Variants in ZSWIM9 observed in about 807,000 individuals in gnomAD.
ZSWIM9 encodes the protein uncharacterized protein ZSWIM9.
ZSWIM9 carries 11 observed loss-of-function variants against 25.0 expected under a neutral mutation model. The ratio of observed to expected loss-of-function variants is 0.44; its 90% CI spans 0.28 to 0.73. The LOEUF (loss-of-function observed/expected upper bound fraction) is 0.73. Among genes scored for constraint, ZSWIM9 ranks in the 30% least tolerant of loss-of-function variants. The pLI is 0.16. For synonymous variants in ZSWIM9, 562 were observed against 582.1 expected, an observed-to-expected ratio of 0.97 and a Z score of 0.50; for missense variants, 1,070 against 1,296.5, an observed-to-expected ratio of 0.83 and a Z score of 2.68.
chr19:48,182,393 G>C lies in ZSWIM9; in HGVS notation c.276-62G>C, dbSNP rs2036957064. 1 of 1,284,492 alleles carries C rather than the reference G, an allele frequency of 7.8e-7. No individual in the cohort carries two copies. Among genetic ancestry groups the C allele is most frequent in the Admixed American group, 2.7e-5 (1 of 36,788 alleles). The allele number at this position is 1,284,492 out of a possible 1,614,324, so 79.6% of individuals were successfully genotyped here. A position where few individuals can be genotyped will look rare whatever the true frequency, so the allele number is the denominator to read the frequency against. On this transcript the variant is annotated intron_variant, in intron 2 of 3. Transcript: ENST00000614654. This position sits in a 1 kb window ranked among gnomAD's most constrained non-coding sequence, Gnocchi z 4.6. ...TAGTTTAAAAAAAAAAAAAAGGTGA[G>C]TGGAAAGGAAGAAGAGGGCAGCAGA...
In ZSWIM9 at chr19:48,171,896, C is replaced by T. The variant is rs1266327274; in HGVS notation, c.94C>T (p.Arg32Cys). ...RAFFSWAEFS[R>C]FFDAWCQQRL... The stretch of plus-strand genomic sequence containing the variant: ...CTTCTTCTCGTGGGCCGAGTTCAGC[C>T]GCTTCTTCGACGCGTGGTGCCAGCA... Residue 32 changes from arginine (R) to cysteine (C), a missense_variant, in exon 2 of 4, where the codon CGC becomes TGC. This residue lies in a region of ZSWIM9 where 265 missense variants were observed against 339.0 expected (regional missense o/e 0.78). Transcript: ENST00000614654. The T allele has an allele frequency of 3.9e-6, 6 of 1,535,668 alleles. No individual in the cohort carries two copies. The highest frequency in any genetic ancestry group is 2.7e-5 in the African/African-American group (2 of 73,048).
At position 48,195,179 on chromosome 19, in the gene ZSWIM9, C is replaced by T; in HGVS notation, c.1115C>T (p.Ala372Val). ...GAGCTCCACGCCCACGGCCCAGCCG[C>T]CTTCGTGGACTACTTCGAGCGCAAC... is the stretch of plus-strand genomic sequence containing the variant. ...LAELHAHGPAAFVDYFERNWE... is the reference protein window; with the variant it reads ...LAELHAHGPAVFVDYFERNWE... Residue 372 changes from alanine (A) to valine (V), a missense_variant, in exon 4 of 4, where the codon GCC (alanine) becomes GTC (valine). Ala to Val is a moderately conservative substitution (Grantham distance 64). Coordinates refer to ENST00000614654, the MANE Select transcript of ZSWIM9 (RefSeq NM_199341.4). This position sits in a 1 kb window ranked among gnomAD's most constrained non-coding sequence, Gnocchi z 5.8. 6.6e-7 allele frequency: 1 copy of T among 1,523,140 alleles called. No homozygotes were observed. Among genetic ancestry groups the T allele is most frequent in the Non-Finnish European group, 8.8e-7 (1 of 1,139,772 alleles). The allele number at this position is 1,523,140 out of a possible 1,614,324, so 94.4% of individuals were successfully genotyped here. A position where few individuals can be genotyped will look rare whatever the true frequency, so the allele number is the denominator to read the frequency against.
intron 2 of ZSWIM9, among the ~76,000 whole-genome samples, chr19:48,178,810 G>A (rs448222): frequency 0.26 from 39,467 of 151,982 alleles, 7,556 homozygotes; most frequent in African/African-American, 0.54. Flanking sequence ...TCTTGACCTC[G>A]TGATCTGGCC....
At position 48,193,703 on chromosome 19, in the gene ZSWIM9, C is replaced by T. The variant is rs141788716; in HGVS notation, c.589-950C>T. On this transcript the variant is annotated intron_variant, in intron 3 of 3. Coordinates refer to ENST00000614654, the MANE Select transcript of ZSWIM9 (RefSeq NM_199341.4). The stretch of plus-strand genomic sequence containing the variant: ...GCGGGACGTGATGTTTGAACAGAGA[C>T]GATAATTATAATGGCCACTTTCAGA... Among the ~76,000 whole-genome samples the T allele has an allele frequency of 2.9e-4, 44 of 152,260 alleles. 1 individual carries two copies. The highest frequency in any genetic ancestry group is 6.8e-3 in the Middle Eastern group (2 of 294).
intron 3 of ZSWIM9, among the ~76,000 whole-genome samples, chr19:48,188,253 C>T (rs2037054461): frequency 6.6e-6 from 1 of 151,102 alleles, no homozygotes; most frequent in African/African-American, 2.4e-5. Flanking sequence ...GATGGAGTCT[C>T]GCTCTGTCTC....
intron 3 of ZSWIM9, among the ~76,000 whole-genome samples, chr19:48,185,217 G>A (rs1387896213): frequency 4.7e-5 from 7 of 148,082 alleles, no homozygotes; most frequent in Non-Finnish European, 7.4e-5. Flanking sequence ...TTGGCTCACC[G>A]CAACCTCCGC....
intron 1 of ZSWIM9, chr19:48,171,159 C>T (rs2036797229): frequency 1.1e-6 from 1 of 881,862 alleles, no homozygotes; most frequent in Non-Finnish European, 1.4e-6. Flanking sequence ...CCAGCTACAG[C>T]TGCATGTGGC....
At position 48,182,803 on chromosome 19, in the gene ZSWIM9, C is replaced by T. The variant is rs541265293; in HGVS notation, c.588+36C>T. The T allele has an allele frequency of 7.5e-5, 109 of 1,461,556 alleles. No individual in the cohort carries two copies. The highest frequency in any genetic ancestry group is 9.1e-5 in the Non-Finnish European group (99 of 1,092,874). The allele number at this position is 1,461,556 out of a possible 1,614,324, so 90.5% of individuals were successfully genotyped here. A position where few individuals can be genotyped will look rare whatever the true frequency, so the allele number is the denominator to read the frequency against. On this transcript the variant is annotated intron_variant, in intron 3 of 3. Coordinates refer to ENST00000614654, the MANE Select transcript of ZSWIM9 (RefSeq NM_199341.4). The surrounding 1 kb of genome is among the most constrained non-coding windows in gnomAD (Gnocchi z 4.6). The stretch of plus-strand genomic sequence containing the variant: ...GAGAGAGGCAGGCCGGGGGAGGGGG[C>T]GGGGGAAAGCCGCGCTGAAGACTCG...
In ZSWIM9 at chr19:48,197,239, G is replaced by A; in HGVS notation, c.*412G>A. 1.4e-6 allele frequency: 1 copy of A among 702,434 alleles called. No homozygotes were observed. Among genetic ancestry groups the A allele is most frequent in the Non-Finnish European group, 2.6e-6 (1 of 384,826 alleles). The allele number at this position is 702,434 out of a possible 1,614,324, so 43.5% of individuals were successfully genotyped here. A position where few individuals can be genotyped will look rare whatever the true frequency, so the allele number is the denominator to read the frequency against. On this transcript the variant is annotated 3_prime_UTR_variant, in exon 4 of 4. Transcript: ENST00000614654. ...GTGCAGCGGGGAGAGGGGAAAGGGA[G>A]AAAGTACAGAAGACAGATGAAGGAG...
chr19:48,171,723 G>A (rs1218517834), intron 1 of ZSWIM9, 71 bp from the exon 2 acceptor site: 1 of 1,411,956 alleles, frequency 7.1e-7, no homozygotes, highest in African/African-American at 1.4e-5. Flanking sequence ...GGCAGGCCAA[G>A]AATGGAGTAG....
chr19:48,197,230 G>A lies in ZSWIM9; in HGVS notation c.*403G>A, dbSNP rs1165742143. 4 of 702,394 alleles carry A rather than the reference G, an allele frequency of 5.7e-6. No individual in the cohort carries two copies. Among genetic ancestry groups the A allele is most frequent in the Non-Finnish European group, 2.6e-6 (1 of 384,828 alleles). 43.5% of individuals were successfully genotyped at this position (702,394 alleles called of 1,614,324 possible). A position where few individuals can be genotyped will look rare whatever the true frequency, so the allele number is the denominator to read the frequency against. ...GTCTAGGGAGTGCAGCGGGGAGAGG[G>A]GAAAGGGAGAAAGTACAGAAGACAG... On this transcript the variant is annotated 3_prime_UTR_variant, in exon 4 of 4. Coordinates refer to ENST00000614654, the MANE Select transcript of ZSWIM9 (RefSeq NM_199341.4).
chr19:48,171,845 G>A lies in ZSWIM9; in HGVS notation c.43G>A (p.Glu15Lys). ...CCCACCCGGCACGGCTGCGGGGCAG[G>A]AGGAGCAGGAGCTGCGGGAGCGGGC... ...EPPPGTAAGQ[E>K]EQELRERAFF... The change falls in exon 2 of 4, where the codon GAG becomes AAG. Residue 15 changes from glutamate (E) to lysine (K), a missense_variant. Glu to Lys is a moderately conservative substitution (Grantham distance 56). Coordinates refer to ENST00000614654, the MANE Select transcript of ZSWIM9 (RefSeq NM_199341.4). The A allele has an allele frequency of 2.0e-6, 3 of 1,534,712 alleles. No individual in the cohort carries two copies. The highest frequency in any genetic ancestry group is 2.6e-6 in the Non-Finnish European group (3 of 1,146,384).
At chr19:48,180,549 T>C (rs1382995678) in intron 2 of ZSWIM9, among the ~76,000 whole-genome samples, 1 of 152,048 alleles carries the variant, frequency 6.6e-6, no homozygotes, top group East Asian at 1.9e-4. Context: ...AGAACCTTTG[T>C]GATGACATTT....
Position 48,172,068 on chromosome 19 carries a change from C to G in ZSWIM9, c.266C>G (p.Pro89Arg). The G allele has an allele frequency of 6.6e-7, 1 of 1,520,500 alleles. No homozygotes were observed. The highest frequency in any genetic ancestry group is 8.8e-7 in the Non-Finnish European group (1 of 1,135,352). The allele number at this position is 1,520,500 out of a possible 1,614,324, so 94.2% of individuals were successfully genotyped here. The change falls in exon 2 of 4, where the codon CCC (proline) becomes CGC (arginine). Residue 89 changes from proline to arginine, a missense_variant. Pro to Arg is a moderately radical substitution (Grantham distance 103). Transcript: ENST00000614654. ...VCKDVRAPSR[P>R]AVGPPQPGCP... ...AAGGACGTGCGTGCGCCCAGCCGGCCCGCCGTGGGGTGCGTGAACCTGAGC... is the reference window on the plus strand; with the variant it reads ...AAGGACGTGCGTGCGCCCAGCCGGCGCGCCGTGGGGTGCGTGAACCTGAGC...
At chr19:48,187,700 G>A (rs1239747350) in intron 3 of ZSWIM9, 3 of 138,338 alleles carry the variant, frequency 2.2e-5, no homozygotes, top group Admixed American at 8.7e-5. Context: ...CACTTTGGGA[G>A]GCCGAAGCGA....
At chr19:48,171,589 C>T (rs2036811260) in intron 1 of ZSWIM9, among the ~76,000 whole-genome samples, 1 of 152,068 alleles carries the variant, frequency 6.6e-6, no homozygotes, top group African/African-American at 2.4e-5. Context: ...TCCAAGTGAA[C>T]CAGGGATAAG....
At chr19:48,191,092 ATGTGTGTGTGTG>A (rs940221946) in intron 3 of ZSWIM9, among the ~76,000 whole-genome samples, 1 of 96,420 alleles carries the variant, frequency 1.0e-5, no homozygotes, top group African/African-American at 2.9e-5. Flanking sequence ...GTGTATGTGT[ATGTGTGTGTGTG>A]TGTGTGTGTG....
At chr19:48,183,575 G>A (rs1300344677) in intron 3 of ZSWIM9, among the ~76,000 whole-genome samples, 1 of 151,770 alleles carries the variant, frequency 6.6e-6, no homozygotes, top group African/African-American at 2.4e-5. Context: ...ATCACTAGGG[G>A]CTGGCTGGGT....
rs1226825065 is a variant in ZSWIM9, at chr19:48,197,385, G to A, written c.*558G>A. 9.2e-6 allele frequency: 6 copies of A among 650,328 alleles called. No homozygotes were observed. The South Asian group carries it at 1.0e-4, about 11-fold the overall frequency. 40.3% of individuals were successfully genotyped at this position (650,328 alleles called of 1,614,324 possible). The stretch of plus-strand genomic sequence containing the variant: ...GAAGCAGGAGAGGAAGGGACGGGAT[G>A]TAGGAGGGGGAAGAAAAATCGGAGA... On this transcript the variant is annotated 3_prime_UTR_variant, in exon 4 of 4. Coordinates refer to ENST00000614654, the MANE Select transcript of ZSWIM9 (RefSeq NM_199341.4).
Sources: gnomAD v4.1 joint callset for allele counts (sites outside exome capture counted in the v4.1 genomes callset) on GRCh38, gnomAD v4.1.1 for gene constraint, gnomAD v4.1.1 regional missense constraint, Gnocchi (gnomAD v3.1) non-coding constraint, MANE v1.5 for transcripts, NCBI Gene and HGNC (gene_info 2026-07-23, HGNC 2026-07-21) for gene names.